The following PGM2L1 variants were observed in gnomAD, a reference collection of about 807,000 sequenced individuals.
PGM2L1 encodes the protein glucose 1,6-bisphosphate synthase.
Under a neutral mutation model 73.4 loss-of-function variants are expected in PGM2L1, and 35 were observed. That is an observed-to-expected ratio of 0.48 (90% confidence interval 0.36 to 0.63). PGM2L1 has a LOEUF of 0.63. PGM2L1 is among the 30% of genes least tolerant of loss of function. PGM2L1 has a pLI of 0.00. For missense variants in PGM2L1, 570 were observed against 742.0 expected (o/e 0.77, Z 2.69); for synonymous variants, 225 against 253.8 (o/e 0.89, Z 1.08).
intron 5 of PGM2L1, among the ~76,000 whole-genome samples, chr11:74,357,038 G>A (rs942418801): frequency 1.3e-5 from 2 of 151,970 alleles, no homozygotes; most frequent in Non-Finnish European, 2.9e-5. Flanking sequence ...TAGTAGAGAT[G>A]GGGTTTCACC....
chr11:74,351,429 T>A lies in PGM2L1; in HGVS notation c.703A>T (p.Ile235Phe). 1 of 1,613,976 alleles carries A rather than the reference T, an allele frequency of 6.2e-7. No homozygotes were observed. The highest frequency in any genetic ancestry group is 8.5e-7 in the Non-Finnish European group (1 of 1,179,988). ...AGATCTTCCATGTATCTCCTGCAAA[T>A]GTCCTGCAGAGGGTCTCTCTTCAGC... ...SPLKRDPLQD[I>F]CRRYMEDLKK... Residue 235 changes from isoleucine (I) to phenylalanine (F), a missense_variant, in exon 6 of 14, where the codon ATT becomes TTT. Physicochemically the swap from Ile to Phe is conservative, Grantham distance 21. Transcript: ENST00000298198.
In PGM2L1 at chr11:74,374,568, T is replaced by C; in HGVS notation, c.126A>G (p.Lys42=). 1.2e-6 allele frequency: 2 copies of C among 1,613,628 alleles called. No individual in the cohort carries two copies. Among genetic ancestry groups the C allele is most frequent in the Non-Finnish European group, 1.7e-6 (2 of 1,179,786 alleles). ...WLRWDKNPKT[K]EQIENLLRNG... is the part of the protein sequence containing the mutation. ...TCCGTAACAGGTTTTCAATCTGCTC[T>C]TTTGTTTTGGGATTCTATAAAAAAG... The change falls in exon 2 of 14, where the codon AAA becomes AAG. Residue 42 remains lysine, a synonymous_variant. Coordinates refer to ENST00000298198, the MANE Select transcript of PGM2L1 (RefSeq NM_173582.6).
At chr11:74,360,272 A>AGGAG (rs1565439792) in intron 5 of PGM2L1, among the ~76,000 whole-genome samples, 2 of 143,590 alleles carry the variant, frequency 1.4e-5, no homozygotes, top group African/African-American at 5.2e-5. Flanking sequence ...AAAGAGAAAG[A>AGGAG]GAAGGAAGGA....
chr11:74,376,203 A>G (rs116645957), intron 1 of PGM2L1, among the ~76,000 whole-genome samples: 1,922 of 152,266 alleles, frequency 0.013, 41 homozygotes, highest in African/African-American at 0.044. Context: ...CTGTATGGAT[A>G]GTATTATTAT....
chr11:74,339,349 G>A (rs1039274307), intron 12 of PGM2L1, among the ~76,000 whole-genome samples: 1 of 152,096 alleles, frequency 6.6e-6, no homozygotes, highest in African/African-American at 2.4e-5. Context: ...ATTAACACTG[G>A]TACTCTTGCT....
chr11:74,339,195 T>C (rs1300474409), intron 12 of PGM2L1, among the ~76,000 whole-genome samples: 3 of 152,196 alleles, frequency 2.0e-5, no homozygotes, highest in African/African-American at 7.2e-5. Context: ...AAACTGCCTC[T>C]ATATTTGCGA....
At chr11:74,343,192 C>T in intron 10 of PGM2L1, 131 bp downstream of exon 10, 1 of 1,311,434 alleles carries the variant, frequency 7.6e-7, no homozygotes, top group Non-Finnish European at 1.0e-6. Flanking sequence ...AGAAATGTAT[C>T]TACATATTTC....
At chr11:74,383,824 A>AATAAATAAATAT (rs61026077) in intron 1 of PGM2L1, among the ~76,000 whole-genome samples, 4 of 121,838 alleles carry the variant, frequency 3.3e-5, no homozygotes, top group African/African-American at 1.4e-4. Context: ...TATATAAATA[A>AATAAATAAATAT]ATATATATAT....
chr11:74,347,921 C>G (rs1311713945), intron 6 of PGM2L1, among the ~76,000 whole-genome samples: 1 of 152,144 alleles, frequency 6.6e-6, no homozygotes, highest in African/African-American at 2.4e-5. Flanking sequence ...ACTTTGTTAC[C>G]CAAAAAGCTT....
intron 5 of PGM2L1, among the ~76,000 whole-genome samples, chr11:74,360,706 A>G (rs1276509926): frequency 6.6e-6 from 1 of 152,100 alleles, no homozygotes. Flanking sequence ...CCACCCTAAT[A>G]TTGCGCTTTT....
At chr11:74,338,178 G>A (rs144541338) in intron 13 of PGM2L1, among the ~76,000 whole-genome samples, 2 of 152,196 alleles carry the variant, frequency 1.3e-5, no homozygotes, top group Admixed American at 6.5e-5. Context: ...CCCACATATT[G>A]TATGATTCCA....
intron 5 of PGM2L1, among the ~76,000 whole-genome samples, chr11:74,360,863 G>A (rs536188965): frequency 5.6e-4 from 85 of 152,280 alleles, no homozygotes; most frequent in Non-Finnish European, 4.0e-4. Flanking sequence ...AGGGGCGCCC[G>A]CCATTGCTGA....
intron 1 of PGM2L1, among the ~76,000 whole-genome samples, chr11:74,390,114 G>A (rs1205669324): frequency 6.2e-5 from 5 of 80,946 alleles, no homozygotes; most frequent in Non-Finnish European, 3.0e-5. Flanking sequence ...GCGAGACTCC[G>A]TCTCAAAAAA....
At chr11:74,397,950 G>A (rs1863204511) in intron 1 of PGM2L1, 101 bp downstream of exon 1, 2 of 1,390,942 alleles carry the variant, frequency 1.4e-6, no homozygotes, top group South Asian at 1.7e-5. Flanking sequence ...TCGGTGTCCC[G>A]AGCCATCTCC....
At chr11:74,394,338 T>C (rs879403936) in intron 1 of PGM2L1, among the ~76,000 whole-genome samples, 1 of 152,196 alleles carries the variant, frequency 6.6e-6, no homozygotes, top group Non-Finnish European at 1.5e-5. Flanking sequence ...CAGACATCAG[T>C]TTCTGTGGCA....
Position 74,398,177 on chromosome 11 carries a change from G to T in PGM2L1, c.-16C>A, listed in dbSNP as rs1751139937. 1 of 1,602,918 alleles carries T rather than the reference G, an allele frequency of 6.2e-7. No homozygotes were observed. The highest frequency in any genetic ancestry group is 1.1e-5 in the South Asian group (1 of 89,366). On this transcript the variant is annotated 5_prime_UTR_variant, in exon 1 of 14. Transcript: ENST00000298198. The stretch of plus-strand genomic sequence containing the variant: ...TTTCAGCCATGGCGACCAGACAGGC[G>T]TACGGGCCGGGGGCCGGCGAAGACA...
intron 1 of PGM2L1, among the ~76,000 whole-genome samples, chr11:74,390,996 T>C (rs1209105673): frequency 6.6e-6 from 1 of 152,164 alleles, no homozygotes; most frequent in Non-Finnish European, 1.5e-5. Flanking sequence ...AAATTCAGTT[T>C]AGCAAGATGA....
At chr11:74,377,712 T>C (rs1477505364) in intron 1 of PGM2L1, among the ~76,000 whole-genome samples, 1 of 152,196 alleles carries the variant, frequency 6.6e-6, no homozygotes, top group African/African-American at 2.4e-5. Flanking sequence ...TTTTTATGGT[T>C]AAAAACTAGT....
chr11:74,370,814 C>A, intron 4 of PGM2L1, 88 bp downstream of exon 4: 5 of 1,207,974 alleles, frequency 4.1e-6, no homozygotes, highest in Admixed American at 1.9e-5. Flanking sequence ...TACAGAACTA[C>A]ATGCACAAAA....
Sources: allele counts gnomAD v4.1 joint callset (sites outside exome capture counted in the v4.1 genomes callset), GRCh38; gene constraint gnomAD v4.1.1; transcripts MANE v1.5; gene names NCBI Gene and HGNC (gene_info 2026-07-23, HGNC 2026-07-21).